Variants in KAZN observed in about 807,000 individuals in gnomAD.
KAZN encodes the protein kazrin, periplakin interacting protein.
Under a neutral mutation model 87.4 loss-of-function variants are expected in KAZN, and 40 were observed. The ratio of observed to expected loss-of-function variants is 0.46; its 90% CI spans 0.36 to 0.60. The LOEUF is 0.60. Among genes scored for constraint, KAZN ranks in the 20% least tolerant of loss-of-function variants. The pLI, the probability that KAZN is intolerant of heterozygous loss-of-function variation, is 0.00. For synonymous variants in KAZN, 466 were observed against 458.3 expected (o/e 1.02, Z -0.22); for missense variants, 898 against 1,073.9 (o/e 0.84, Z 2.29).
At chr1:15,074,034 G>A (rs1005919479) in intron 8 of KAZN, among the ~76,000 whole-genome samples, 6 of 152,190 alleles carry the variant, frequency 3.9e-5, no homozygotes, top group African/African-American at 9.7e-5. Context: ...CCCTGAGCCC[G>A]GCTCTGGACT....
intron 2 of KAZN, among the ~76,000 whole-genome samples, chr1:14,529,388 G>A (rs1672091110): frequency 6.6e-6 from 1 of 152,186 alleles, no homozygotes; most frequent in African/African-American, 2.4e-5. Context: ...CTCTGAGGGG[G>A]GATTAGGATT....
Position 14,112,188 on chromosome 1 carries a change from G to A in KAZN, c.92-68247G>A, listed in dbSNP as rs1167957632. Among the ~76,000 whole-genome samples the A allele has an allele frequency of 8.2e-5, 11 of 133,726 alleles. 3 individuals are homozygous for A. Among genetic ancestry groups the A allele is most frequent in the African/African-American group, 3.2e-4 (11 of 34,342 alleles). 87.7% of individuals were successfully genotyped at this position (133,726 alleles called of 152,430 possible). On this transcript the variant is annotated intron_variant, in intron 1 of 16. Coordinates refer to the KAZN transcript ENST00000636203. The stretch of plus-strand genomic sequence containing the variant: ...CCTACTGGCTGTCCACATCAGGCAA[G>A]CCAGTGAGGTTTCTCCTTTGTCCTC...
At chr1:15,059,944 A>G (rs979668168) in intron 5 of KAZN, among the ~76,000 whole-genome samples, 3 of 152,122 alleles carry the variant, frequency 2.0e-5, no homozygotes, top group African/African-American at 7.2e-5. Flanking sequence ...CTGGTGGAGG[A>G]GGGTTCATTG....
chr1:14,578,880 G>A (rs1348719533), intron 2 of KAZN, among the ~76,000 whole-genome samples: 1 of 152,184 alleles, frequency 6.6e-6, no homozygotes, highest in African/African-American at 2.4e-5. Context: ...AACCTTTGGA[G>A]ATAGGCAGAT....
chr1:14,485,266 C>T (rs1669288498), intron 2 of KAZN, among the ~76,000 whole-genome samples: 1 of 152,234 alleles, frequency 6.6e-6, no homozygotes, highest in Admixed American at 6.5e-5. Context: ...CAAATTCTCA[C>T]ATTCCACTCT....
rs560016712 is a variant in KAZN at position 14,347,583 on chromosome 1, C to A, written c.249+166991C>A. On this transcript the variant is annotated intron_variant, in intron 2 of 16. Coordinates refer to the KAZN transcript ENST00000636203. ...GATTAGGCAGAATGGCTTTCTGTTA[C>A]TTACAACCACAGAACCCTGGCTGCT... Among the ~76,000 whole-genome samples the A allele has an allele frequency of 2.9e-3, 445 of 152,296 alleles. 3 individuals carry two copies. Among genetic ancestry groups the A allele is most frequent in the African/African-American group, 0.01 (426 of 41,572 alleles).
intron 1 of KAZN, among the ~76,000 whole-genome samples, chr1:14,931,678 C>T (rs1659841409): frequency 6.6e-6 from 1 of 152,156 alleles, no homozygotes; most frequent in African/African-American, 2.4e-5. Context: ...ACAGATCAGA[C>T]ATTGAGAACC....
intron 2 of KAZN, among the ~76,000 whole-genome samples, chr1:14,469,753 T>A (rs1030106485): frequency 5.3e-5 from 8 of 152,224 alleles, no homozygotes; most frequent in African/African-American, 1.9e-4. Flanking sequence ...GATGTCAGAT[T>A]CTTATTAGCA....
At chr1:14,654,994 T>G (rs533179101) in intron 1 of KAZN, among the ~76,000 whole-genome samples, 5 of 152,308 alleles carry the variant, frequency 3.3e-5, no homozygotes, top group Non-Finnish European at 7.3e-5. Context: ...CAAGTGGTTC[T>G]CAAACTTGAG....
At chr1:14,598,679 G>A, upstream of KAZN, 1 of 1,275,506 alleles carries the variant, frequency 7.8e-7, no homozygotes, top group Non-Finnish European at 9.8e-7. The surrounding 1 kb of genome is among the most constrained non-coding windows in gnomAD (Gnocchi z 4.2). Flanking sequence ...GGTGGCGCGC[G>A]GTGTCCTTCT....
chr1:14,980,965 G>A (rs569683732), intron 2 of KAZN, among the ~76,000 whole-genome samples: 38 of 152,242 alleles, frequency 2.5e-4, no homozygotes, highest in South Asian at 2.3e-3. Context: ...CTGACAAGGC[G>A]GCGTAACCAG....
At chr1:14,872,974 G>A (rs1249622222) in intron 1 of KAZN, among the ~76,000 whole-genome samples, 3 of 135,926 alleles carry the variant, frequency 2.2e-5, no homozygotes, top group African/African-American at 5.3e-5. Context: ...ATGGAAAGAT[G>A]AGTAGAAGAA....
chr1:14,924,368 C>G (rs769290201), intron 1 of KAZN: 18 of 989,154 alleles, frequency 1.8e-5, no homozygotes, highest in Non-Finnish European at 4.8e-6. Flanking sequence ...ACCCGGCATG[C>G]GGGCGGCCGA....
intron 1 of KAZN, among the ~76,000 whole-genome samples, chr1:14,952,846 G>A (rs1662658512): frequency 6.6e-6 from 1 of 152,202 alleles, no homozygotes; most frequent in Non-Finnish European, 1.5e-5. Flanking sequence ...TGATCATGAT[G>A]AGCTACATTT....
chr1:14,372,044 T>C (rs546391886), intron 2 of KAZN, among the ~76,000 whole-genome samples: 2 of 152,354 alleles, frequency 1.3e-5, no homozygotes, highest in Admixed American at 6.5e-5. Context: ...ATGGATCTTA[T>C]TAGCTTCAAT....
chr1:14,503,837 C>G (rs1670403276), intron 2 of KAZN, among the ~76,000 whole-genome samples: 1 of 152,162 alleles, frequency 6.6e-6, no homozygotes, highest in Admixed American at 6.5e-5. Context: ...CTGCATTCCT[C>G]AGGACTTGGA....
In KAZN at chr1:14,685,465, A is replaced by G. The variant is rs568324489; in HGVS notation, c.226+86242A>G. ...CTAGAAGTCAGGCCAATGTGCACCC[A>G]TGTACTGAGGGCCAGGGGACATGGG... On this transcript the variant is annotated intron_variant, in intron 1 of 14. Transcript: ENST00000376030. Among the ~76,000 whole-genome samples the G allele has an allele frequency of 4.6e-5, 7 of 152,334 alleles. No homozygotes were observed. The East Asian group carries it at 1.2e-3, about 25-fold the overall frequency.
At chr1:14,058,321 G>T (rs574397183) in intron 1 of KAZN, among the ~76,000 whole-genome samples, 9 of 151,920 alleles carry the variant, frequency 5.9e-5, no homozygotes, top group Non-Finnish European at 1.3e-4. Flanking sequence ...CTGCTTCACC[G>T]CTGAATCTAC....
chr1:14,638,265 G>A (rs556604474), intron 1 of KAZN, among the ~76,000 whole-genome samples: 10 of 152,200 alleles, frequency 6.6e-5, no homozygotes, highest in South Asian at 2.1e-4. Context: ...GTGTGTGCAC[G>A]TGCGCAAAAA....
Sources: gnomAD v4.1 joint callset for allele counts (sites outside exome capture counted in the v4.1 genomes callset) on GRCh38, gnomAD v4.1.1 for gene constraint, Gnocchi (gnomAD v3.1) non-coding constraint, MANE v1.5 for transcripts, NCBI Gene and HGNC (gene_info 2026-07-23, HGNC 2026-07-21) for gene names.